PSMA1: variants seen among roughly 807,000 people sequenced by gnomAD.
PSMA1 encodes proteasome 20S subunit alpha 1, also known as proteasome subunit alpha type-1.
In PSMA1, 3 loss-of-function variants were observed where a neutral mutation model predicts 38.4. The ratio of observed to expected loss-of-function variants is 0.08; its 90% CI spans 0.04 to 0.20. The LOEUF (loss-of-function observed/expected upper bound fraction) is 0.20. Among genes scored for constraint, PSMA1 ranks in the 10% least tolerant of loss-of-function variants. The probability of loss-of-function intolerance (pLI) is 1.00; values close to 1 mark genes in which losing one functional copy is unlikely to be tolerated. For missense variants in PSMA1, 227 were observed against 325.3 expected, an observed-to-expected ratio of 0.70 and a Z score of 2.32; for synonymous variants, 101 against 107.1, an observed-to-expected ratio of 0.94 and a Z score of 0.35.
chr11:14,630,378 T>C (rs1286120777), intron 1 of PSMA1, among the ~76,000 whole-genome samples: 1 of 152,282 alleles, frequency 6.6e-6, no homozygotes, highest in African/African-American at 2.4e-5. Flanking sequence ...GCATGAAGGG[T>C]TGTTGAATTT....
At chr11:14,630,398 A>C (rs935314931) in intron 1 of PSMA1, among the ~76,000 whole-genome samples, 8 of 152,108 alleles carry the variant, frequency 5.3e-5, no homozygotes, top group Admixed American at 2.0e-4. Context: ...TTGTCAAAGG[A>C]CTTTTCTGCA....
intron 1 of PSMA1, among the ~76,000 whole-genome samples, chr11:14,630,875 C>T (rs2133718858): frequency 6.6e-6 from 1 of 152,194 alleles, no homozygotes; most frequent in African/African-American, 2.4e-5. Context: ...GATTCAACTT[C>T]TTCCTGGTTT....
At position 14,540,386 on chromosome 11, in the gene PSMA1, C is replaced by T. The variant is rs118018745; in HGVS notation, c.22-21345G>A. ...GTGAACTAGACAGGCTTTTAGGAAACATTACGTCCTCAGGAGAGATACGAT... is the reference window on the plus strand; with the variant it reads ...GTGAACTAGACAGGCTTTTAGGAAATATTACGTCCTCAGGAGAGATACGAT... On this transcript the variant is annotated intron_variant, in intron 2 of 10. Coordinates refer to the PSMA1 transcript ENST00000418988. Among the ~76,000 whole-genome samples the T allele has an allele frequency of 1.0e-3, 157 of 152,300 alleles. No individual in the cohort carries two copies. In the East Asian group the frequency reaches 0.011, roughly 10 times the overall value.
rs1185679618 is a variant in PSMA1 at position 14,575,102 on chromosome 11, C to T, written c.21+35864G>A. Among the ~76,000 whole-genome samples the T allele has an allele frequency of 1.2e-4, 18 of 152,118 alleles. 1 individual carries two copies. The highest frequency in any genetic ancestry group is 2.6e-4 in the Non-Finnish European group (18 of 68,028). ...GGTGATCTCAGATTGAGATGAGAAACTTGTTGGGAACTGGAGATGAACTCT... is the reference window on the plus strand; with the variant it reads ...GGTGATCTCAGATTGAGATGAGAAATTTGTTGGGAACTGGAGATGAACTCT... On this transcript the variant is annotated intron_variant, in intron 2 of 10. Transcript: ENST00000418988.
At chr11:14,539,926 C>G (rs73422402) in intron 2 of PSMA1, among the ~76,000 whole-genome samples, 208 of 151,894 alleles carry the variant, frequency 1.4e-3, no homozygotes, top group African/African-American at 4.9e-3. Flanking sequence ...TCCTATATGG[C>G]TAAGATAAAA....
At chr11:14,624,647 A>G (rs1464632589) in intron 1 of PSMA1, among the ~76,000 whole-genome samples, 1 of 152,228 alleles carries the variant, frequency 6.6e-6, no homozygotes, top group Non-Finnish European at 1.5e-5. Flanking sequence ...AGAGACCTGC[A>G]GGCAAGAATA....
At chr11:14,638,543 CTCTATATATATA>C (rs1324576635) in intron 1 of PSMA1, among the ~76,000 whole-genome samples, 98 of 13,292 alleles carry the variant, frequency 7.4e-3, no homozygotes, top group Non-Finnish European at 9.4e-3. Context: ...CTCTCTCTCT[CTCTATATATATA>C]TATATATATA....
At chr11:14,544,763 A>C (rs1851808331) in intron 2 of PSMA1, among the ~76,000 whole-genome samples, 1 of 152,242 alleles carries the variant, frequency 6.6e-6, no homozygotes, top group African/African-American at 2.4e-5. Flanking sequence ...TTAGGAAAAC[A>C]GTCACGCAGT....
intron 2 of PSMA1, among the ~76,000 whole-genome samples, chr11:14,525,826 G>C (rs1014440443): frequency 1.3e-5 from 2 of 152,136 alleles, no homozygotes; most frequent in African/African-American, 2.4e-5. Flanking sequence ...CTGCCGCAAG[G>C]CTTCAGGGAC....
chr11:14,512,282 G>C (rs1417901997), intron 7 of PSMA1, among the ~76,000 whole-genome samples: 1 of 152,064 alleles, frequency 6.6e-6, no homozygotes, highest in Admixed American at 6.5e-5. Flanking sequence ...GCTGAGGCAG[G>C]AGAATTGCTT....
intron 1 of PSMA1, chr11:14,520,086 G>A: frequency 7.1e-6 from 5 of 705,500 alleles, no homozygotes; most frequent in South Asian, 1.8e-5. Context: ...TCCCCGGGAA[G>A]CGAAAGCGGT....
At chr11:14,621,032 T>C (rs929057384) in intron 1 of PSMA1, among the ~76,000 whole-genome samples, 3 of 152,230 alleles carry the variant, frequency 2.0e-5, no homozygotes, top group Non-Finnish European at 4.4e-5. Flanking sequence ...CCTGTTATTA[T>C]ACCTTTTCAT....
intron 2 of PSMA1, among the ~76,000 whole-genome samples, chr11:14,576,476 T>C (rs968539182): frequency 4.6e-5 from 7 of 152,298 alleles, no homozygotes; most frequent in African/African-American, 1.4e-4. Flanking sequence ...AGTAAGGGAT[T>C]CAGTTTTAGC....
rs185685150 is a variant in PSMA1, at chr11:14,518,292, G to A, written c.49-311C>T. ...AATTTTTGTATTTCTTGTAGAGTCC[G>A]GGTTTCATGTTGTTCAGGGTGGTCT... On this transcript the variant is annotated intron_variant, in intron 2 of 9. Transcript: ENST00000396394. Among the ~76,000 whole-genome samples the A allele has an allele frequency of 1.6e-4, 24 of 152,084 alleles. No homozygotes were observed. The East Asian group carries it at 2.3e-3, about 15-fold the overall frequency.
At chr11:14,634,872 G>C (rs1247487777) in intron 1 of PSMA1, among the ~76,000 whole-genome samples, 1 of 152,194 alleles carries the variant, frequency 6.6e-6, no homozygotes, top group Non-Finnish European at 1.5e-5. Flanking sequence ...TGTACCTCTG[G>C]AAGAGTAAAG....
chr11:14,628,615 C>G (rs1425047320), intron 1 of PSMA1, among the ~76,000 whole-genome samples: 2 of 148,846 alleles, frequency 1.3e-5, no homozygotes, highest in Admixed American at 1.3e-4. Flanking sequence ...CGAATAATGC[C>G]GCAATAAACA....
intron 2 of PSMA1, among the ~76,000 whole-genome samples, chr11:14,573,132 A>G (rs1852167006): frequency 6.6e-6 from 1 of 152,244 alleles, no homozygotes; most frequent in African/African-American, 2.4e-5. Flanking sequence ...TCCAATCAAC[A>G]GAAAAAGAGA....
At chr11:14,512,880 A>G (rs1589978187) in intron 7 of PSMA1, among the ~76,000 whole-genome samples, 4 of 152,334 alleles carry the variant, frequency 2.6e-5, no homozygotes, top group Admixed American at 2.6e-4. Flanking sequence ...GCATTTACCA[A>G]GCTTATTTGT....
intron 1 of PSMA1, among the ~76,000 whole-genome samples, chr11:14,614,623 C>T (rs1852749414): frequency 6.6e-6 from 1 of 152,180 alleles, no homozygotes; most frequent in Non-Finnish European, 1.5e-5. Context: ...CACCATCGAT[C>T]TAGTTTCTCA....
Sources: gnomAD v4.1 joint callset for allele counts (sites outside exome capture counted in the v4.1 genomes callset) on GRCh38, gnomAD v4.1.1 for gene constraint, MANE v1.5 for transcripts, NCBI Gene and HGNC (gene_info 2026-07-23, HGNC 2026-07-21) for gene names.